Variants in DLGAP2 observed in about 807,000 individuals in gnomAD.
The protein encoded by DLGAP2 is DLG associated protein 2, also known as disks large-associated protein 2.
Under a neutral mutation model 100.3 loss-of-function variants are expected in DLGAP2, and 26 were observed. That is an observed-to-expected ratio of 0.26 (90% CI 0.19 to 0.36). The LOEUF (loss-of-function observed/expected upper bound fraction) is 0.36. Among genes scored for constraint, DLGAP2 ranks in the 10% least tolerant of loss-of-function variants. The probability of loss-of-function intolerance (pLI) is 1.00; values close to 1 mark genes in which losing one functional copy is unlikely to be tolerated. For missense variants in DLGAP2, 1,858 were observed against 1,453.2 expected (o/e 1.28, Z -4.53); for synonymous variants, 886 against 630.1 (o/e 1.41, Z -6.08).
chr8:1,334,150 G>T (rs964616952), intron 3 of DLGAP2, among the ~76,000 whole-genome samples: 2 of 152,380 alleles, frequency 1.3e-5, no homozygotes, highest in South Asian at 2.1e-4. Context: ...GAGCTCCTCA[G>T]TGAGGTTCTG....
At chr8:1,373,341 C>T (rs1000470605) in intron 3 of DLGAP2, among the ~76,000 whole-genome samples, 3 of 151,846 alleles carry the variant, frequency 2.0e-5, no homozygotes, top group Non-Finnish European at 4.4e-5. Flanking sequence ...TCCGGAGGCG[C>T]CGCGCCTGGA....
At chr8:1,487,038 C>G (rs147013975) in intron 3 of DLGAP2, among the ~76,000 whole-genome samples, 1 of 152,188 alleles carries the variant, frequency 6.6e-6, no homozygotes, top group African/African-American at 2.4e-5. Context: ...GCTCTGTAAC[C>G]TGTTAAAGCA....
chr8:1,674,166 G>C (rs1013952104), intron 10 of DLGAP2, among the ~76,000 whole-genome samples: 1 of 152,146 alleles, frequency 6.6e-6, no homozygotes, highest in East Asian at 1.9e-4. Flanking sequence ...TGATCCTCCT[G>C]CCTCAGCCTC....
At chr8:1,273,436 A>T (rs1267467600) in intron 3 of DLGAP2, among the ~76,000 whole-genome samples, 1 of 152,176 alleles carries the variant, frequency 6.6e-6, no homozygotes, top group Non-Finnish European at 1.5e-5. Flanking sequence ...CAGGGGGTCA[A>T]TGTGCCTTTA....
chr8:783,804 A>T (rs2132627622), intron 1 of DLGAP2, among the ~76,000 whole-genome samples: 2 of 152,238 alleles, frequency 1.3e-5, no homozygotes, highest in Middle Eastern at 6.8e-3. Flanking sequence ...AGAACAATGG[A>T]GAGTTTGGGG....
At chr8:1,433,176 C>G (rs747016939) in intron 3 of DLGAP2, among the ~76,000 whole-genome samples, 1 of 152,174 alleles carries the variant, frequency 6.6e-6, no homozygotes, top group East Asian at 1.9e-4. Flanking sequence ...CAGGAACGTG[C>G]GGGACTTGGG....
In DLGAP2 at chr8:941,593, C is replaced by A. The variant is rs1292712350; in HGVS notation, c.73+33627C>A. On this transcript the variant is annotated intron_variant, in intron 2 of 14. Transcript: ENST00000637795. Reference sequence around the variant, plus strand: ...CAGGCGCTATTGGAAAAAATAACAGCAGCTCTCATCGTTCTGGAGATCTAA... The same window carrying A: ...CAGGCGCTATTGGAAAAAATAACAGAAGCTCTCATCGTTCTGGAGATCTAA... Among the ~76,000 whole-genome samples, 6 of 152,306 alleles carry A rather than the reference C, an allele frequency of 3.9e-5. No individual in the cohort carries two copies. The East Asian group carries it at 9.7e-4, about 25-fold the overall frequency.
chr8:1,448,828 T>C (rs939863273), intron 3 of DLGAP2, among the ~76,000 whole-genome samples: 1 of 152,160 alleles, frequency 6.6e-6, no homozygotes, highest in South Asian at 2.1e-4. Context: ...GATCCGGCCA[T>C]GGAAAGATTT....
chr8:1,266,343 G>T (rs896336308), intron 3 of DLGAP2, among the ~76,000 whole-genome samples: 2 of 152,174 alleles, frequency 1.3e-5, no homozygotes, highest in African/African-American at 4.8e-5. Context: ...CCAGATGAGC[G>T]CAGATTCACC....
intron 4 of DLGAP2, among the ~76,000 whole-genome samples, chr8:1,526,543 C>A (rs770666598): frequency 2.0e-5 from 3 of 152,176 alleles, no homozygotes; most frequent in African/African-American, 7.2e-5. Flanking sequence ...TTTGAACAAG[C>A]AAAGCTGGTT....
At chr8:972,050 T>A (rs1484804128) in intron 2 of DLGAP2, among the ~76,000 whole-genome samples, 1 of 152,188 alleles carries the variant, frequency 6.6e-6, no homozygotes, top group Non-Finnish European at 1.5e-5. Context: ...AGGTCCTATT[T>A]AAGAAGTCAT....
chr8:1,669,003 G>A (rs77553372), intron 9 of DLGAP2, among the ~76,000 whole-genome samples: 452 of 152,352 alleles, frequency 3.0e-3, no homozygotes, highest in African/African-American at 9.6e-3. Context: ...AGAGTATGGA[G>A]ATAACACTGT....
chr8:937,605 T>A (rs1211319019), intron 2 of DLGAP2, among the ~76,000 whole-genome samples: 1 of 152,174 alleles, frequency 6.6e-6, no homozygotes, highest in Admixed American at 6.5e-5. Context: ...TGCTTGGGGC[T>A]GGAGGAGCTG....
intron 1 of DLGAP2, among the ~76,000 whole-genome samples, chr8:843,517 G>T (rs1341763498): frequency 6.6e-6 from 1 of 152,206 alleles, no homozygotes; most frequent in Non-Finnish European, 1.5e-5. Flanking sequence ...CCTCTCCTGG[G>T]GTTCCACCGG....
intron 2 of DLGAP2, among the ~76,000 whole-genome samples, chr8:1,038,233 C>G (rs956258882): frequency 2.6e-5 from 4 of 152,252 alleles, no homozygotes; most frequent in African/African-American, 9.6e-5. Context: ...GAGCTTGCAT[C>G]TCTCCTCTGG....
At chr8:1,256,657 G>C (rs969800157) in intron 2 of DLGAP2, among the ~76,000 whole-genome samples, 2 of 152,158 alleles carry the variant, frequency 1.3e-5, no homozygotes, top group African/African-American at 4.8e-5. Flanking sequence ...TCAGATGCCC[G>C]CGTGGGGAGT....
chr8:1,201,205 C>G (rs1350574118), intron 2 of DLGAP2, among the ~76,000 whole-genome samples: 3 of 152,186 alleles, frequency 2.0e-5, no homozygotes, highest in East Asian at 1.9e-4. Context: ...TCAGGGTTCT[C>G]GAGAGACGCA....
At chr8:1,253,086 C>T (rs896033098) in intron 2 of DLGAP2, among the ~76,000 whole-genome samples, 2 of 152,198 alleles carry the variant, frequency 1.3e-5, no homozygotes, top group African/African-American at 4.8e-5. Context: ...CACGCCCGGG[C>T]CTGTCCCCGC....
chr8:1,529,521 T>G (rs941454946), intron 4 of DLGAP2, among the ~76,000 whole-genome samples: 5 of 152,112 alleles, frequency 3.3e-5, no homozygotes, highest in African/African-American at 4.8e-5. Context: ...TGAGAAAAAT[T>G]CATGTTTATA....
Sources: gnomAD v4.1 joint callset for allele counts (sites outside exome capture counted in the v4.1 genomes callset) on GRCh38, gnomAD v4.1.1 for gene constraint, MANE v1.5 for transcripts, NCBI Gene and HGNC (gene_info 2026-07-23, HGNC 2026-07-21) for gene names.